Variants in RBFOX3 observed in about 807,000 individuals in gnomAD.
RBFOX3 encodes the protein RNA binding fox-1 homolog 3, also known as RNA binding protein fox-1 homolog 3.
RBFOX3 carries 17 observed loss-of-function variants against 48.7 expected under a neutral mutation model. That is an observed-to-expected ratio of 0.35 (90% CI 0.24 to 0.52). The LOEUF (loss-of-function observed/expected upper bound fraction) is 0.52, where lower values mean the gene tolerates loss of function less well. RBFOX3 is among the 20% of genes least tolerant of loss of function. The probability of loss-of-function intolerance (pLI) is 0.94; values close to 1 mark genes in which losing one functional copy is unlikely to be tolerated. For synonymous variants in RBFOX3, 212 were observed against 209.5 expected (o/e 1.01, Z -0.10); for missense variants, 382 against 497.5 (o/e 0.77, Z 2.21).
At chr17:79,304,437 ATG>A (rs942722895) in intron 3 of RBFOX3, among the ~76,000 whole-genome samples, 16 of 148,424 alleles carry the variant, frequency 1.1e-4, no homozygotes, top group Non-Finnish European at 3.0e-5. Flanking sequence ...TTTGATATAT[ATG>A]TGTATATATA....
intron 4 of RBFOX3, among the ~76,000 whole-genome samples, chr17:79,166,156 C>G (rs897021767): frequency 2.0e-5 from 3 of 152,316 alleles, no homozygotes; most frequent in African/African-American, 7.2e-5. Flanking sequence ...TCCTGTTCCC[C>G]CCCCGGGCAG....
intron 1 of RBFOX3, among the ~76,000 whole-genome samples, chr17:79,594,374 G>A (rs894892847): frequency 6.6e-6 from 1 of 152,164 alleles, no homozygotes; most frequent in Admixed American, 6.5e-5. Flanking sequence ...TGACCCTCTG[G>A]AGGCACCCAG....
At chr17:79,433,711 C>T (rs1295380083) in intron 2 of RBFOX3, among the ~76,000 whole-genome samples, 1 of 151,288 alleles carries the variant, frequency 6.6e-6, no homozygotes, top group Non-Finnish European at 1.5e-5. Flanking sequence ...CCCACACTGA[C>T]CTGCAGACCC....
chr17:79,365,004 C>T (rs1475757020), intron 2 of RBFOX3, among the ~76,000 whole-genome samples: 1 of 152,118 alleles, frequency 6.6e-6, no homozygotes, highest in Admixed American at 6.5e-5. Flanking sequence ...GGGCAGGATG[C>T]TCCCTGGGCC....
intron 9 of RBFOX3, 123 bp from the exon 10 acceptor site, chr17:79,097,868 G>C: frequency 9.8e-7 from 1 of 1,024,228 alleles, no homozygotes; most frequent in African/African-American, 1.6e-5. Flanking sequence ...GCGCCTCCCC[G>C]CGCCGGGCCC....
chr17:79,379,291 C>A (rs1450050419), intron 2 of RBFOX3, among the ~76,000 whole-genome samples: 1 of 152,148 alleles, frequency 6.6e-6, no homozygotes, highest in Admixed American at 6.5e-5. Context: ...CCAGAATTCC[C>A]GACTCCTTGC....
intron 4 of RBFOX3, among the ~76,000 whole-genome samples, chr17:79,193,599 A>G (rs894328330): frequency 1.3e-5 from 2 of 152,226 alleles, no homozygotes; most frequent in Non-Finnish European, 2.9e-5. Flanking sequence ...TGCAGTGGTT[A>G]AAAATTAACA....
chr17:79,179,294 G>T (rs2051322491), intron 4 of RBFOX3, among the ~76,000 whole-genome samples: 1 of 152,196 alleles, frequency 6.6e-6, no homozygotes, highest in African/African-American at 2.4e-5. Context: ...ACAACCAGAG[G>T]GAACGTGCTC....
chr17:79,351,735 C>G (rs1447708565), intron 2 of RBFOX3, among the ~76,000 whole-genome samples: 1 of 152,190 alleles, frequency 6.6e-6, no homozygotes, highest in Non-Finnish European at 1.5e-5. Context: ...GGGTTTTAAA[C>G]TCTCATCTGA....
intron 1 of RBFOX3, among the ~76,000 whole-genome samples, chr17:79,553,745 CAG>C (rs1363503129): frequency 3.3e-5 from 5 of 151,900 alleles, no homozygotes; most frequent in African/African-American, 4.8e-5. Flanking sequence ...GTTTTTGAGA[CAG>C]AGTCTCTCTC....
At chr17:79,297,108 G>A (rs981071578) in intron 3 of RBFOX3, among the ~76,000 whole-genome samples, 2 of 151,780 alleles carry the variant, frequency 1.3e-5, no homozygotes, top group African/African-American at 4.8e-5. Context: ...GATGCCCAAG[G>A]CCCACTACCT....
intron 4 of RBFOX3, among the ~76,000 whole-genome samples, chr17:79,171,507 C>A (rs1304213471): frequency 6.6e-6 from 1 of 152,152 alleles, no homozygotes; most frequent in African/African-American, 2.4e-5. Context: ...TGGCTGTGTT[C>A]CAATAAAACT....
At chr17:79,584,804 C>T (rs1438051269) in intron 1 of RBFOX3, among the ~76,000 whole-genome samples, 6 of 151,542 alleles carry the variant, frequency 4.0e-5, no homozygotes, top group East Asian at 1.9e-4. Context: ...CTCACTCTGT[C>T]GCCCAGGCTG....
At chr17:79,508,879 C>T (rs922857035) in intron 1 of RBFOX3, 1 of 152,482 alleles carries the variant, frequency 6.6e-6, no homozygotes, top group African/African-American at 2.4e-5. Flanking sequence ...ACAGGGCACA[C>T]CAAAGCCAAG....
At chr17:79,127,799 T>C (rs995505757) in intron 4 of RBFOX3, among the ~76,000 whole-genome samples, 2 of 152,140 alleles carry the variant, frequency 1.3e-5, no homozygotes, top group African/African-American at 4.8e-5. Context: ...GCCCCACTCA[T>C]AAGAGACCTG....
intron 3 of RBFOX3, among the ~76,000 whole-genome samples, chr17:79,255,763 TCTC>T (rs1276856848): frequency 2.0e-5 from 3 of 151,608 alleles, no homozygotes; most frequent in East Asian, 2.0e-4. Context: ...TCCCTGGGCT[TCTC>T]CTCCTCCATG....
chr17:79,227,788 G>A (rs1409045933), intron 4 of RBFOX3, among the ~76,000 whole-genome samples: 1 of 152,220 alleles, frequency 6.6e-6, no homozygotes, highest in East Asian at 1.9e-4. Flanking sequence ...AGGTAGGCTC[G>A]GGGCCTCTGT....
intron 2 of RBFOX3, among the ~76,000 whole-genome samples, chr17:79,370,582 C>A (rs2058393581): frequency 6.6e-6 from 1 of 152,022 alleles, no homozygotes; most frequent in African/African-American, 2.4e-5. Context: ...CACACAGGCA[C>A]ACACACGTAC....
At chr17:79,484,740 G>A (rs1294805209) in intron 1 of RBFOX3, among the ~76,000 whole-genome samples, 2 of 152,120 alleles carry the variant, frequency 1.3e-5, no homozygotes, top group Non-Finnish European at 2.9e-5. Context: ...TTCTCAGCAG[G>A]AGCACAAAAG....
Sources: allele counts gnomAD v4.1 joint callset (sites outside exome capture counted in the v4.1 genomes callset), GRCh38; gene constraint gnomAD v4.1.1; transcripts MANE v1.5; gene names NCBI Gene and HGNC (gene_info 2026-07-23, HGNC 2026-07-21).